Variants in SLC15A2 observed in about 807,000 individuals in gnomAD.
SLC15A2 encodes kidney H(+)/peptide cotransporter.
SLC15A2 carries 77 observed loss-of-function variants against 95.5 expected under a neutral mutation model. That is an observed-to-expected ratio of 0.81 (90% CI 0.67 to 0.97). SLC15A2 has a LOEUF of 0.97. Ranked by LOEUF, SLC15A2 falls within the 50% of genes least tolerant of loss-of-function variation. The pLI is 0.00. For missense variants in SLC15A2, 893 were observed against 874.4 expected (o/e 1.02, Z -0.27); for synonymous variants, 306 against 306.9 (o/e 1.00, Z 0.03).
At chr3:121,915,193 A>C in intron 5 of SLC15A2, 34 bp from the exon 6 acceptor site, 1 of 1,496,534 alleles carries the variant, frequency 6.7e-7, no homozygotes, top group Non-Finnish European at 9.3e-7. Flanking sequence ...GCTAGGGGAC[A>C]CATTGCACTG....
intron 7 of SLC15A2, among the ~76,000 whole-genome samples, chr3:121,922,014 T>G (rs1236571949): frequency 1.3e-5 from 2 of 152,210 alleles, no homozygotes; most frequent in African/African-American, 4.8e-5. Flanking sequence ...TCAGGAAATG[T>G]AAGTCAGCTC....
intron 3 of SLC15A2, among the ~76,000 whole-genome samples, chr3:121,905,973 G>A (rs1027220658): frequency 1.6e-4 from 24 of 152,114 alleles, no homozygotes; most frequent in Admixed American, 7.9e-4. Flanking sequence ...TTATTATTGT[G>A]TGGGAGTCTA....
chr3:121,928,258 C>T, intron 14 of SLC15A2, 163 bp from the exon 15 acceptor site: 1 of 771,896 alleles, frequency 1.3e-6, no homozygotes, highest in Non-Finnish European at 2.0e-6. Context: ...GTTTCCCTCT[C>T]CAAGCTGCCT....
chr3:121,939,430 T>A lies in SLC15A2; in HGVS notation c.1843T>A (p.Tyr615Asn). 2 of 1,577,350 alleles carry A rather than the reference T, an allele frequency of 1.3e-6. No individual in the cohort carries two copies. Among genetic ancestry groups the A allele is most frequent in the Non-Finnish European group, 1.7e-6 (2 of 1,162,490 alleles). ...KMSIAWQLPQ[Y>N]ALVTAGEVMF... ...GTCCATTGCGTGGCAGCTACCACAATATGCCCTGGTTACAGCTGGGGAGGT... is the reference window on the plus strand; with the variant it reads ...GTCCATTGCGTGGCAGCTACCACAAAATGCCCTGGTTACAGCTGGGGAGGT... The change falls in exon 20 of 22, where the codon TAT becomes AAT. Residue 615 changes from tyrosine (Y) to asparagine (N), a missense_variant. Tyr to Asn is a moderately radical substitution (Grantham distance 143). Coordinates refer to ENST00000489711, the MANE Select transcript of SLC15A2 (RefSeq NM_021082.4).
chr3:121,922,622 A>T (rs1559848713), intron 8 of SLC15A2, among the ~76,000 whole-genome samples, 153 bp from the exon 9 acceptor site: 1 of 152,236 alleles, frequency 6.6e-6, no homozygotes, highest in Non-Finnish European at 1.5e-5. Flanking sequence ...ATAAAATTAT[A>T]TCAGAAATAT....
At chr3:121,911,768 A>G (rs1020896021) in intron 4 of SLC15A2, 102 bp downstream of exon 4, 3 of 780,476 alleles carry the variant, frequency 3.8e-6, no homozygotes, top group Non-Finnish European at 6.5e-6. Flanking sequence ...TTCAATCTAC[A>G]GTTTACTACA....
chr3:121,915,306 C>A lies in SLC15A2; in HGVS notation c.608C>A (p.Pro203His), dbSNP rs373759482. 19 of 1,602,002 alleles carry A rather than the reference C, an allele frequency of 1.2e-5. No individual in the cohort carries two copies. Among genetic ancestry groups the A allele is most frequent in the African/African-American group, 4.2e-5 (3 of 70,870 alleles). ...AGCTTGATTTCTACATTTATCACAC[C>A]CATGCTGAGAGGTTAGGATTTTTTT... is the stretch of plus-strand genomic sequence containing the variant. ...AGSLISTFIT[P>H]MLRGDVQCFG... The change falls in exon 6 of 22, where the codon CCC becomes CAC. Residue 203 changes from proline (P) to histidine (H), a missense_variant. Physicochemically the swap from Pro to His is moderately conservative, Grantham distance 77. Transcript: ENST00000489711.
At chr3:121,908,744 T>A (rs1322422378) in intron 3 of SLC15A2, among the ~76,000 whole-genome samples, 1 of 152,248 alleles carries the variant, frequency 6.6e-6, no homozygotes, top group African/African-American at 2.4e-5. Flanking sequence ...TATATTCATA[T>A]GGTGAAATAA....
Position 121,922,009 on chromosome 3 carries a change from A to C in SLC15A2, c.698-211A>C, listed in dbSNP as rs2332045. On this transcript the variant is annotated intron_variant, in intron 7 of 21. Coordinates refer to ENST00000489711, the MANE Select transcript of SLC15A2 (RefSeq NM_021082.4). ...AATTTTGATAACTCCAAAAGTCAGGAAATGTAAGTCAGCTCCCTCTTTATG... is the reference window on the plus strand; with the variant it reads ...AATTTTGATAACTCCAAAAGTCAGGCAATGTAAGTCAGCTCCCTCTTTATG... Among the ~76,000 whole-genome samples, 1,252 of 152,318 alleles carry C rather than the reference A, an allele frequency of 8.2e-3. 20 individuals carry two copies. The highest frequency in any genetic ancestry group is 0.028 in the African/African-American group (1,152 of 41,558).
rs370025673 is a variant in SLC15A2 at position 121,939,457 on chromosome 3, A to G, written c.1870A>G (p.Met624Val). The G allele has an allele frequency of 2.5e-5, 39 of 1,539,206 alleles. No homozygotes were observed. The highest frequency in any genetic ancestry group is 3.4e-5 in the Non-Finnish European group (39 of 1,145,640). Residue 624 changes from methionine (M) to valine (V), a missense_variant, in exon 20 of 22, where the codon ATG (methionine) becomes GTG (valine). Coordinates refer to ENST00000489711, the MANE Select transcript of SLC15A2 (RefSeq NM_021082.4). ...TGCCCTGGTTACAGCTGGGGAGGTC[A>G]TGTTCTCTGTCACAGGTCTTGAGTT... is the stretch of plus-strand genomic sequence containing the variant. ...QYALVTAGEV[M>V]FSVTGLEFSY... is the part of the protein sequence containing the mutation.
At position 121,911,667 on chromosome 3, in the gene SLC15A2, G is replaced by A. The variant is rs1480057696; in HGVS notation, c.428+1G>A. On this transcript the variant is annotated splice_donor_variant, in intron 4 of 21. Transcript: ENST00000489711. LOFTEE classifies it high-confidence loss of function. ...TACTGGGAGGACAAGTGGTACACAC[G>A]TGAGTAAAATCATGGAATCAACTAA... 20 of 1,593,228 alleles carry A rather than the reference G, an allele frequency of 1.3e-5. No individual in the cohort carries two copies. The highest frequency in any genetic ancestry group is 2.2e-5 in the South Asian group (2 of 90,628).
chr3:121,925,797 C>T (rs1387213600), intron 13 of SLC15A2, among the ~76,000 whole-genome samples: 1 of 103,818 alleles, frequency 9.6e-6, no homozygotes, highest in African/African-American at 3.6e-5. Context: ...ACAACTACTA[C>T]ACAGGTAAAA....
chr3:121,914,121 T>A (rs1447871273), intron 5 of SLC15A2, among the ~76,000 whole-genome samples: 4 of 152,200 alleles, frequency 2.6e-5, no homozygotes, highest in Admixed American at 2.6e-4. Flanking sequence ...CCATAGATCA[T>A]AATTGCTTGC....
intron 5 of SLC15A2, chr3:121,914,995 T>A: frequency 1.0e-5 from 13 of 1,283,482 alleles, no homozygotes; most frequent in Non-Finnish European, 1.3e-5. Flanking sequence ...TTTTAACCTA[T>A]GAAAAGGGAG....
chr3:121,897,914 C>G (rs975046757), intron 3 of SLC15A2, among the ~76,000 whole-genome samples: 1 of 152,180 alleles, frequency 6.6e-6, no homozygotes, highest in African/African-American at 2.4e-5. Context: ...GTAATCCCAG[C>G]ACTTTGGGAG....
At chr3:121,904,966 A>G (rs967943657) in intron 3 of SLC15A2, among the ~76,000 whole-genome samples, 82 of 152,330 alleles carry the variant, frequency 5.4e-4, no homozygotes, top group African/African-American at 1.7e-3. Flanking sequence ...TCAGCTGTGA[A>G]TCCGTCTGGT....
At chr3:121,922,190 C>G (rs1179610156) in intron 7 of SLC15A2, 30 bp from the exon 8 acceptor site, 1 of 1,583,498 alleles carries the variant, frequency 6.3e-7, no homozygotes, top group African/African-American at 1.3e-5. Context: ...AAATGAGAAG[C>G]TAAGAACCTT....
chr3:121,942,038 T>G lies in SLC15A2; in HGVS notation c.*1031T>G, dbSNP rs565220482. On this transcript the variant is annotated 3_prime_UTR_variant, in exon 22 of 22. Transcript: ENST00000489711. ...TCCTTTTTGATGTTGTTTTCCTGATTTACTTTTCCCATAAGTTTTAAATAC... is the reference window on the plus strand; with the variant it reads ...TCCTTTTTGATGTTGTTTTCCTGATGTACTTTTCCCATAAGTTTTAAATAC... 1 of 152,350 alleles carries G rather than the reference T, an allele frequency of 6.6e-6. No individual in the cohort carries two copies. Among genetic ancestry groups the G allele is most frequent in the South Asian group, 2.1e-4 (1 of 4,834 alleles). 9.4% of individuals were successfully genotyped at this position (152,350 alleles called of 1,614,324 possible). A position where few individuals can be genotyped will look rare whatever the true frequency, so the allele number is the denominator to read the frequency against.
chr3:121,907,990 G>C (rs1418914582), intron 3 of SLC15A2, among the ~76,000 whole-genome samples: 1 of 152,238 alleles, frequency 6.6e-6, no homozygotes, highest in Non-Finnish European at 1.5e-5. Flanking sequence ...GAGGTGGGTG[G>C]GGTCTACAGA....
Sources: allele counts gnomAD v4.1 joint callset (sites outside exome capture counted in the v4.1 genomes callset), GRCh38; gene constraint gnomAD v4.1.1; transcripts MANE v1.5; gene names NCBI Gene and HGNC (gene_info 2026-07-23, HGNC 2026-07-21).